DOCK1: variants seen among roughly 807,000 people sequenced by gnomAD.
The protein encoded by DOCK1 is dedicator of cytokinesis protein 1.
DOCK1 carries 138 observed loss-of-function variants against 262.7 expected under a neutral mutation model. The ratio of observed to expected loss-of-function variants is 0.53; its 90% CI spans 0.46 to 0.61. The LOEUF is 0.61. Ranked by LOEUF, DOCK1 falls within the 20% of genes least tolerant of loss-of-function variation. The pLI, the probability that DOCK1 is intolerant of heterozygous loss-of-function variation, is 0.00. For synonymous variants in DOCK1, 866 were observed against 867.4 expected, an observed-to-expected ratio of 1.00 and a Z score of 0.03; for missense variants, 1,908 against 2,370.7, an observed-to-expected ratio of 0.80 and a Z score of 4.05.
At chr10:127,172,201 A>C (rs2054639365) in intron 27 of DOCK1, among the ~76,000 whole-genome samples, 1 of 152,192 alleles carries the variant, frequency 6.6e-6, no homozygotes, top group African/African-American at 2.4e-5. Flanking sequence ...CCTCGTTCTA[A>C]AGTCCTAGAA....
At chr10:127,126,049 T>C (rs2049933696) in intron 26 of DOCK1, among the ~76,000 whole-genome samples, 1 of 151,578 alleles carries the variant, frequency 6.6e-6, no homozygotes, top group African/African-American at 2.4e-5. Context: ...TCTCTTCCCC[T>C]AGGTCAGTGC....
At chr10:127,344,373 G>C (rs1316923736) in intron 31 of DOCK1, 1 of 152,218 alleles carries the variant, frequency 6.6e-6, no homozygotes, top group Non-Finnish European at 1.5e-5. Flanking sequence ...TCCTTCCCCT[G>C]TTTGGACACC....
intron 29 of DOCK1, among the ~76,000 whole-genome samples, chr10:127,261,415 GTGTA>G (rs2060105906): frequency 7.0e-6 from 1 of 142,546 alleles, no homozygotes; most frequent in Admixed American, 6.9e-5. Flanking sequence ...GTGGGTGTGT[GTGTA>G]CCCATGCTCA....
intron 27 of DOCK1, among the ~76,000 whole-genome samples, chr10:127,151,599 C>G (rs2052491381): frequency 6.6e-6 from 1 of 152,218 alleles, no homozygotes; most frequent in Non-Finnish European, 1.5e-5. Context: ...GGCCACATCT[C>G]TATTCAGTTT....
At chr10:127,164,940 C>A (rs745613732) in intron 27 of DOCK1, among the ~76,000 whole-genome samples, 10 of 152,140 alleles carry the variant, frequency 6.6e-5, no homozygotes, top group Non-Finnish European at 1.2e-4. Flanking sequence ...CTTTTTCCAG[C>A]TGAGGCCGAG....
At chr10:127,381,058 T>G (rs933579519) in intron 36 of DOCK1, among the ~76,000 whole-genome samples, 1 of 152,178 alleles carries the variant, frequency 6.6e-6, no homozygotes, top group Non-Finnish European at 1.5e-5. Flanking sequence ...AATGAAAAAT[T>G]TGAAGGAAAA....
Position 127,362,062 on chromosome 10 carries a change from A to G in DOCK1, c.3284-2A>G. The G allele has an allele frequency of 6.3e-7, 1 of 1,593,790 alleles. No homozygotes were observed. The highest frequency in any genetic ancestry group is 8.5e-7 in the Non-Finnish European group (1 of 1,173,710). On this transcript the variant is annotated splice_acceptor_variant, in intron 32 of 51. Coordinates refer to ENST00000623213, the MANE Select transcript of DOCK1 (RefSeq NM_001290223.2). LOFTEE classifies it high-confidence loss of function. ...CTGAATATTGTACCTCTTTTTTCCA[A>G]GGTCAACACAAGATAAAGTTCATTC...
At chr10:127,389,250 CA>C (rs1456968541) in intron 38 of DOCK1, among the ~76,000 whole-genome samples, 6 of 152,208 alleles carry the variant, frequency 3.9e-5, no homozygotes, top group Non-Finnish European at 7.3e-5. Flanking sequence ...GACTTAGAAT[CA>C]CTTTTGTTTA....
At chr10:127,242,031 A>C (rs1161538125) in intron 27 of DOCK1, among the ~76,000 whole-genome samples, 1 of 152,068 alleles carries the variant, frequency 6.6e-6, no homozygotes, top group Non-Finnish European at 1.5e-5. Context: ...GGATTCACAG[A>C]CTTCCTGTTA....
intron 27 of DOCK1, among the ~76,000 whole-genome samples, chr10:127,227,571 A>C (rs2058690232): frequency 6.6e-6 from 1 of 152,178 alleles, no homozygotes; most frequent in Non-Finnish European, 1.5e-5. Flanking sequence ...AGCACTCTAC[A>C]CAGATGCTGG....
At chr10:126,940,514 C>G (rs1162145672) in intron 1 of DOCK1, among the ~76,000 whole-genome samples, 1 of 152,172 alleles carries the variant, frequency 6.6e-6, no homozygotes, top group Non-Finnish European at 1.5e-5. Context: ...AATGATTCTC[C>G]TGCCTCAGCC....
At chr10:127,406,182 A>C (rs1282379892) in intron 40 of DOCK1, among the ~76,000 whole-genome samples, 1 of 152,128 alleles carries the variant, frequency 6.6e-6, no homozygotes, top group Non-Finnish European at 1.5e-5. Flanking sequence ...TACCTCTGGT[A>C]TGTAGGCACC....
At chr10:126,916,470 A>G (rs2032505215) in intron 1 of DOCK1, among the ~76,000 whole-genome samples, 1 of 152,244 alleles carries the variant, frequency 6.6e-6, no homozygotes, top group Non-Finnish European at 1.5e-5. Flanking sequence ...GTAGATGAAC[A>G]TCTTGCATAA....
At chr10:127,139,032 G>A (rs548189607) in intron 27 of DOCK1, among the ~76,000 whole-genome samples, 12 of 152,110 alleles carry the variant, frequency 7.9e-5, no homozygotes, top group Non-Finnish European at 1.2e-4. Flanking sequence ...CCCTCCTTGG[G>A]ACCTCTGCGT....
chr10:127,000,946 C>T (rs995311085), intron 10 of DOCK1: 3 of 153,332 alleles, frequency 2.0e-5, no homozygotes, highest in Non-Finnish European at 4.4e-5. Context: ...TGCTGTTGCT[C>T]TGTTATTTTT....
intron 32 of DOCK1, among the ~76,000 whole-genome samples, chr10:127,358,539 A>G (rs1479497148): frequency 6.6e-6 from 1 of 152,176 alleles, no homozygotes; most frequent in Non-Finnish European, 1.5e-5. Flanking sequence ...TATTACATCC[A>G]GCACACTGGA....
At chr10:127,269,862 C>T (rs1366995884) in intron 29 of DOCK1, among the ~76,000 whole-genome samples, 1 of 152,240 alleles carries the variant, frequency 6.6e-6, no homozygotes, top group Non-Finnish European at 1.5e-5. Context: ...CCCATGCAGT[C>T]CTTGGGAAGC....
At chr10:127,138,999 G>T (rs2050967218) in intron 27 of DOCK1, among the ~76,000 whole-genome samples, 1 of 152,112 alleles carries the variant, frequency 6.6e-6, no homozygotes, top group African/African-American at 2.4e-5. Context: ...GAGGAGTTCT[G>T]CTTCCCTTCC....
chr10:127,347,572 G>A (rs2063691123), intron 31 of DOCK1, among the ~76,000 whole-genome samples: 1 of 152,066 alleles, frequency 6.6e-6, no homozygotes, highest in Non-Finnish European at 1.5e-5. Context: ...GAGCAGCTTG[G>A]AGCTTGGGGC....
Sources: gnomAD v4.1 joint callset for allele counts (sites outside exome capture counted in the v4.1 genomes callset) on GRCh38, gnomAD v4.1.1 for gene constraint, MANE v1.5 for transcripts, NCBI Gene and HGNC (gene_info 2026-07-23, HGNC 2026-07-21) for gene names.